The following PHACTR1 variants were observed in gnomAD, a reference collection of about 807,000 sequenced individuals.
PHACTR1 encodes RPEL repeat containing 1.
A neutral mutation model predicts 69.2 loss-of-function variants in PHACTR1; 16 were observed. The observed-to-expected ratio is 0.23, with a 90% CI of 0.16 to 0.35. The LOEUF (loss-of-function observed/expected upper bound fraction) is 0.35, where lower values mean the gene tolerates loss of function less well. PHACTR1 is among the 10% of genes least tolerant of loss of function. The probability of loss-of-function intolerance (pLI) is 1.00; values close to 1 mark genes in which losing one functional copy is unlikely to be tolerated. For missense variants in PHACTR1, 510 were observed against 734.7 expected (o/e 0.69, Z 3.54); for synonymous variants, 312 against 284.5 (o/e 1.10, Z -0.97).
chr6:13,158,412 C>T (rs965900181), intron 5 of PHACTR1, among the ~76,000 whole-genome samples: 2 of 152,132 alleles, frequency 1.3e-5, no homozygotes, highest in Non-Finnish European at 2.9e-5. Flanking sequence ...GCCCTCCTGC[C>T]GTCACTTCTG....
At chr6:13,262,558 C>G (rs1017276032) in intron 10 of PHACTR1, among the ~76,000 whole-genome samples, 2 of 152,162 alleles carry the variant, frequency 1.3e-5, no homozygotes, top group African/African-American at 4.8e-5. Flanking sequence ...CTATTATGCT[C>G]TCTATGCTCT....
At chr6:13,142,348 C>T (rs1822612987) in intron 5 of PHACTR1, among the ~76,000 whole-genome samples, 1 of 152,130 alleles carries the variant, frequency 6.6e-6, no homozygotes, top group Non-Finnish European at 1.5e-5. Context: ...TAGTGATCCA[C>T]CTGCCTCGGC....
At chr6:12,813,719 C>G (rs1775272984) in intron 4 of PHACTR1, among the ~76,000 whole-genome samples, 1 of 152,218 alleles carries the variant, frequency 6.6e-6, no homozygotes, top group African/African-American at 2.4e-5. Flanking sequence ...GAGACTGCAT[C>G]AAAAACTAAG....
chr6:13,066,947 G>T (rs1314178768), intron 5 of PHACTR1, among the ~76,000 whole-genome samples: 4 of 152,158 alleles, frequency 2.6e-5, no homozygotes, highest in African/African-American at 9.7e-5. Context: ...GACCAGCCCA[G>T]ATTCATTGTT....
chr6:12,857,474 G>A (rs914333745), intron 4 of PHACTR1, among the ~76,000 whole-genome samples: 4 of 151,986 alleles, frequency 2.6e-5, no homozygotes, highest in Non-Finnish European at 4.4e-5. Context: ...GTGGTGGTGC[G>A]TGCCTTTATT....
chr6:13,020,164 A>G (rs1800757762), intron 4 of PHACTR1, among the ~76,000 whole-genome samples: 1 of 152,216 alleles, frequency 6.6e-6, no homozygotes, highest in Non-Finnish European at 1.5e-5. Flanking sequence ...ACCAGGAACT[A>G]AACAAGAATC....
intron 3 of PHACTR1, among the ~76,000 whole-genome samples, chr6:12,719,998 A>T (rs770237497): frequency 2.0e-5 from 3 of 152,220 alleles, no homozygotes; most frequent in Non-Finnish European, 4.4e-5. Context: ...TGTAATAGCA[A>T]ACTCTCCTCA....
At chr6:12,835,258 G>GA (rs35247731) in intron 4 of PHACTR1, among the ~76,000 whole-genome samples, 11,764 of 152,032 alleles carry the variant, frequency 0.077, 563 homozygotes, top group East Asian at 0.17. Flanking sequence ...CCAGCAGTGA[G>GA]AAAAATGTGG....
intron 4 of PHACTR1, among the ~76,000 whole-genome samples, chr6:12,950,591 C>T (rs1208914500): frequency 6.6e-6 from 1 of 152,214 alleles, no homozygotes; most frequent in African/African-American, 2.4e-5. Context: ...TCACCATTTG[C>T]TGGAGAGCTC....
chr6:13,211,710 C>G (rs1766873296), intron 8 of PHACTR1, among the ~76,000 whole-genome samples: 3 of 152,178 alleles, frequency 2.0e-5, no homozygotes, highest in Non-Finnish European at 2.9e-5. Context: ...TGTACATACA[C>G]AGGGATAAGA....
intron 4 of PHACTR1, among the ~76,000 whole-genome samples, chr6:12,976,137 C>G (rs185601464): frequency 6.6e-6 from 1 of 152,280 alleles, no homozygotes; most frequent in African/African-American, 2.4e-5. Context: ...GGGAAGGAGA[C>G]AGCTGGCCAA....
intron 4 of PHACTR1, among the ~76,000 whole-genome samples, chr6:12,764,365 G>T (rs1768368386): frequency 6.6e-6 from 1 of 152,148 alleles, no homozygotes; most frequent in South Asian, 2.1e-4. Context: ...CCTCTGAAAA[G>T]CTCAAATAGA....
chr6:13,184,981 A>G (rs1762653124), intron 7 of PHACTR1: 1 of 1,366,148 alleles, frequency 7.3e-7, no homozygotes. Flanking sequence ...CAAACCCACT[A>G]CCAGGATTGC....
intron 4 of PHACTR1, among the ~76,000 whole-genome samples, chr6:12,872,006 T>G (rs1782081110): frequency 6.6e-6 from 1 of 152,062 alleles, no homozygotes; most frequent in Non-Finnish European, 1.5e-5. Flanking sequence ...GACCAATGAG[T>G]TTTTTTACCA....
chr6:13,235,187 G>A (rs1334071266), intron 10 of PHACTR1, among the ~76,000 whole-genome samples: 1 of 152,058 alleles, frequency 6.6e-6, no homozygotes, highest in Non-Finnish European at 1.5e-5. Context: ...AGAGACCTCA[G>A]GGCAATCCCT....
intron 4 of PHACTR1, among the ~76,000 whole-genome samples, chr6:12,777,654 C>T (rs1314192009): frequency 3.1e-5 from 3 of 96,342 alleles, no homozygotes; most frequent in Admixed American, 1.6e-4. Flanking sequence ...TTTTTTGAGA[C>T]AGAGTCTTGC....
chr6:13,059,393 A>G (rs1807329480), intron 5 of PHACTR1, among the ~76,000 whole-genome samples: 1 of 152,104 alleles, frequency 6.6e-6, no homozygotes, highest in Non-Finnish European at 1.5e-5. Flanking sequence ...CAGTGCCTCT[A>G]ATTAACAATC....
At chr6:12,726,690 T>G (rs1464731539) in intron 3 of PHACTR1, among the ~76,000 whole-genome samples, 1 of 152,126 alleles carries the variant, frequency 6.6e-6, no homozygotes, top group African/African-American at 2.4e-5. Flanking sequence ...TGACCTTACA[T>G]ATGGCTCATA....
chr6:13,029,616 C>G (rs752996056), intron 4 of PHACTR1, among the ~76,000 whole-genome samples: 1 of 152,164 alleles, frequency 6.6e-6, no homozygotes, highest in Non-Finnish European at 1.5e-5. Context: ...AATGAAGCTA[C>G]GTAGCTAGGA....
Sources: allele counts gnomAD v4.1 joint callset (sites outside exome capture counted in the v4.1 genomes callset), GRCh38; gene constraint gnomAD v4.1.1; transcripts MANE v1.5; gene names NCBI Gene and HGNC (gene_info 2026-07-23, HGNC 2026-07-21).